The following DCBLD1 variants were observed in gnomAD, a reference collection of about 807,000 sequenced individuals.
DCBLD1 encodes the protein discoidin, CUB and LCCL domain containing 1, also known as discoidin, CUB and LCCL domain-containing protein 1.
DCBLD1 carries 57 observed loss-of-function variants against 71.5 expected under a neutral mutation model. The observed-to-expected ratio is 0.80, with a 90% CI of 0.64 to 0.99. The LOEUF is 0.99. Ranked by LOEUF, DCBLD1 falls within the 50% of genes least tolerant of loss-of-function variation. The probability of loss-of-function intolerance (pLI) is 0.00; values close to 1 mark genes in which losing one functional copy is unlikely to be tolerated. For synonymous variants in DCBLD1, 380 were observed against 363.8 expected (o/e 1.04, Z -0.51); for missense variants, 891 against 923.5 (o/e 0.96, Z 0.46).
chr6:117,515,902 C>G (rs1258287789), intron 2 of DCBLD1, among the ~76,000 whole-genome samples: 1 of 152,138 alleles, frequency 6.6e-6, no homozygotes, highest in Non-Finnish European at 1.5e-5. Context: ...CTGCCAGGTA[C>G]TATGCAGTCT....
At chr6:117,563,414 A>G (rs755136889) in intron 14 of DCBLD1, 94 of 1,609,560 alleles carry the variant, frequency 5.8e-5, no homozygotes, top group Non-Finnish European at 7.9e-5. Flanking sequence ...AAAAGCAGAC[A>G]CTTTCTGGTT....
downstream of DCBLD1, among the ~76,000 whole-genome samples, chr6:117,553,406 C>T (rs1583041015): frequency 6.6e-6 from 1 of 152,272 alleles, no homozygotes. Flanking sequence ...AATCCCACTG[C>T]CTTCCCCTTA....
rs376072074 is a variant in DCBLD1 at position 117,503,907 on chromosome 6, G to A, written c.253G>A (p.Gly85Arg). 6.2e-7 allele frequency: 1 copy of A among 1,614,094 alleles called. No individual in the cohort carries two copies. Among genetic ancestry groups the A allele is most frequent in the Non-Finnish European group, 8.5e-7 (1 of 1,180,012 alleles). ...GGGGAAAAGACTGATTCTGAGGTTG[G>A]GAGATTTGGATATCGAATCCCAGAC... ...PKGKRLILRL[G>R]DLDIESQTCA... Residue 85 changes from glycine to arginine, a missense_variant, in exon 2 of 15, where the codon GGA (glycine) becomes AGA (arginine). Gly to Arg is a moderately radical substitution (Grantham distance 125, BLOSUM62 -2). Coordinates refer to ENST00000338728, the MANE Select transcript of DCBLD1 (RefSeq NM_001366458.2).
intron 12 of DCBLD1, among the ~76,000 whole-genome samples, chr6:117,544,019 AT>A (rs1562123433): frequency 6.6e-6 from 1 of 152,242 alleles, no homozygotes; most frequent in African/African-American, 2.4e-5. Context: ...CAACTTCAGA[AT>A]CTATAATGTG....
chr6:117,558,498 A>C (rs1175232702), intron 14 of DCBLD1, among the ~76,000 whole-genome samples: 1 of 152,198 alleles, frequency 6.6e-6, no homozygotes, highest in African/African-American at 2.4e-5. Flanking sequence ...CAAGTCTCCA[A>C]AACTCTCCCC....
intron 9 of DCBLD1, 183 bp from the exon 10 acceptor site, chr6:117,540,485 C>T: frequency 1.6e-6 from 1 of 632,416 alleles, no homozygotes. Flanking sequence ...AGCAGCACCA[C>T]CTTAGTTAGA....
At position 117,532,532 on chromosome 6, in the gene DCBLD1, A is replaced by C. The variant is rs1778759956; in HGVS notation, c.719+139A>C. 3 of 1,110,088 alleles carry C rather than the reference A, an allele frequency of 2.7e-6. No individual in the cohort carries two copies. The South Asian group carries it at 5.7e-5, about 21-fold the overall frequency. 68.8% of individuals were successfully genotyped at this position (1,110,088 alleles called of 1,614,324 possible). On this transcript the variant is annotated intron_variant, in intron 6 of 14. Transcript: ENST00000338728. The stretch of plus-strand genomic sequence containing the variant: ...ACTGGAAAAATATGCATGAGTGCTT[A>C]GAGCAGCATTTCTGGTCTCTGCATG...
intron 1 of DCBLD1, among the ~76,000 whole-genome samples, chr6:117,491,704 A>G (rs576877028): frequency 6.6e-6 from 1 of 152,270 alleles, no homozygotes; most frequent in East Asian, 1.9e-4. Context: ...CAAGGTCTAC[A>G]TATTAGTTAT....
downstream of DCBLD1, among the ~76,000 whole-genome samples, chr6:117,550,506 C>T (rs749314825): frequency 1.2e-4 from 18 of 152,290 alleles, 1 homozygote; most frequent in South Asian, 4.1e-4. Flanking sequence ...CTTAAATTTG[C>T]GGTTGAAACA....
intron 4 of DCBLD1, among the ~76,000 whole-genome samples, chr6:117,523,538 T>C (rs1778451385): frequency 6.6e-6 from 1 of 152,236 alleles, no homozygotes; most frequent in South Asian, 2.1e-4. Context: ...TAGAACTGTT[T>C]TACTTTTCTA....
At chr6:117,517,820 C>T (rs766060712) in intron 2 of DCBLD1, among the ~76,000 whole-genome samples, 1 of 152,162 alleles carries the variant, frequency 6.6e-6, no homozygotes, top group Non-Finnish European at 1.5e-5. Flanking sequence ...TCCTAGGCTG[C>T]ACACAGCACA....
chr6:117,506,751 T>A (rs1268024236), intron 2 of DCBLD1, among the ~76,000 whole-genome samples: 3 of 152,220 alleles, frequency 2.0e-5, no homozygotes, highest in African/African-American at 7.2e-5. Context: ...GGCCACAGGA[T>A]CTGGCATGGC....
chr6:117,540,887 T>C, intron 10 of DCBLD1, 31 bp from the exon 11 acceptor site: 1 of 1,613,944 alleles, frequency 6.2e-7, no homozygotes, highest in Non-Finnish European at 8.5e-7. Context: ...TTGTTACTCA[T>C]GTGGTTTTCC....
chr6:117,513,471 G>A (rs1219718427), intron 2 of DCBLD1, among the ~76,000 whole-genome samples: 11 of 152,074 alleles, frequency 7.2e-5, no homozygotes, highest in Admixed American at 5.2e-4. Flanking sequence ...ATATAGGGCC[G>A]CCAGTTACAT....
rs940048785 is a variant in DCBLD1, at chr6:117,538,893, C to T, written c.976+58C>T. Reference sequence around the variant, plus strand: ...AGTAGTTTCATGACTGTAAATGACTCGTAGTTGAAAATACGCTTATTGTTT... The same window carrying T: ...AGTAGTTTCATGACTGTAAATGACTTGTAGTTGAAAATACGCTTATTGTTT... On this transcript the variant is annotated intron_variant, in intron 8 of 14. Coordinates refer to ENST00000338728, the MANE Select transcript of DCBLD1 (RefSeq NM_001366458.2). The T allele has an allele frequency of 4.6e-6, 7 of 1,533,838 alleles. No homozygotes were observed. In the African/African-American group the frequency reaches 6.9e-5, roughly 15 times the overall value.
chr6:117,552,748 C>A (rs570771988), downstream of DCBLD1, among the ~76,000 whole-genome samples: 26 of 152,186 alleles, frequency 1.7e-4, no homozygotes, highest in Non-Finnish European at 3.7e-4. Context: ...CACTCCCACA[C>A]ATGTCCACAT....
At chr6:117,518,263 T>A (rs1778272057) in intron 2 of DCBLD1, among the ~76,000 whole-genome samples, 1 of 152,186 alleles carries the variant, frequency 6.6e-6, no homozygotes, top group African/African-American at 2.4e-5. Flanking sequence ...TCACCTTTGC[T>A]CCAGTTCCCA....
chr6:117,569,656 G>T, exon 15 of DCBLD1: 2 of 1,612,430 alleles, frequency 1.2e-6, no homozygotes, highest in South Asian at 1.1e-5. Context: ...CATCCCCAAC[G>T]TGCAGCCCTC....
chr6:117,527,372 T>C (rs940808781), intron 5 of DCBLD1, among the ~76,000 whole-genome samples: 2 of 152,160 alleles, frequency 1.3e-5, no homozygotes, highest in Admixed American at 6.5e-5. Context: ...TCTTGGGAAA[T>C]GCGTTCAGTT....
Sources: gnomAD v4.1 joint callset for allele counts (sites outside exome capture counted in the v4.1 genomes callset) on GRCh38, gnomAD v4.1.1 for gene constraint, MANE v1.5 for transcripts, NCBI Gene and HGNC (gene_info 2026-07-23, HGNC 2026-07-21) for gene names.